The following TNIP2 variants were observed in gnomAD, a reference collection of about 807,000 sequenced individuals.
The protein encoded by TNIP2 is TNFAIP3 interacting protein 2.
TNIP2 carries 30 observed loss-of-function variants against 43.7 expected under a neutral mutation model. That is an observed-to-expected ratio of 0.69 (90% confidence interval 0.51 to 0.93). The LOEUF is 0.93. Ranked by LOEUF, TNIP2 falls within the 40% of genes least tolerant of loss-of-function variation. TNIP2 has a pLI of 0.00. For synonymous variants in TNIP2, 260 were observed against 254.6 expected (o/e 1.02, Z -0.20); for missense variants, 599 against 591.0 (o/e 1.01, Z -0.14).
At position 2,746,777 on chromosome 4, in the gene TNIP2, G is replaced by C. The variant is rs367828707; in HGVS notation, c.567+878C>G. 7.6e-4 allele frequency among the ~76,000 whole-genome samples: 116 copies of C among 152,370 alleles called. 1 individual carries two copies. Among genetic ancestry groups the C allele is most frequent in the African/African-American group, 2.7e-3 (113 of 41,590 alleles). Reference sequence around the variant, plus strand: ...TGAGATGGGGTCTCAGCCTAGGTGAGATGTGCACGGAGTGCCTCCATTCCC... The same window carrying C: ...TGAGATGGGGTCTCAGCCTAGGTGACATGTGCACGGAGTGCCTCCATTCCC... On this transcript the variant is annotated intron_variant, in intron 2 of 5. Coordinates refer to ENST00000315423, the MANE Select transcript of TNIP2 (RefSeq NM_024309.4).
intron 5 of TNIP2, among the ~76,000 whole-genome samples, chr4:2,742,981 A>C (rs1162938671): frequency 2.6e-5 from 4 of 152,134 alleles, no homozygotes; most frequent in Non-Finnish European, 5.9e-5. Context: ...AGTAGCAGCA[A>C]GAGGTGTCCC....
Position 2,742,523 on chromosome 4 carries a change from G to A in TNIP2, c.1027-3C>T, listed in dbSNP as rs745873367. The A allele has an allele frequency of 1.3e-6, 2 of 1,575,950 alleles. No homozygotes were observed. Among genetic ancestry groups the A allele is most frequent in the Non-Finnish European group, 1.7e-6 (2 of 1,156,428 alleles). On this transcript the variant is annotated splice_polypyrimidine_tract_variant and splice_region_variant and intron_variant, in intron 5 of 5. Coordinates refer to ENST00000315423, the MANE Select transcript of TNIP2 (RefSeq NM_024309.4). ...CCGGCGTCTGGCTCTCGAGAATCCT[G>A]GAGAAAAGGCAAGGGTGTATATACG...
At position 2,756,065 on chromosome 4, in the gene TNIP2, C is replaced by G; in HGVS notation, c.225G>C (p.Arg75=). ...DALLEQVARF[R]EQLRRQEGGA... ...CGCCCTCCTGCCTTCGCAGCTGCTC[C>G]CGGAAGCGCGCAACCTGCTCCAGCA... The change falls in exon 1 of 6, where the codon CGG becomes CGC. Residue 75 remains arginine, a synonymous_variant. Coordinates refer to ENST00000315423, the MANE Select transcript of TNIP2 (RefSeq NM_024309.4). 1 of 1,543,798 alleles carries G rather than the reference C, an allele frequency of 6.5e-7. No homozygotes were observed. Among genetic ancestry groups the G allele is most frequent in the Admixed American group, 1.9e-5 (1 of 53,140 alleles).
chr4:2,752,161 A>G (rs1722119478), intron 1 of TNIP2, among the ~76,000 whole-genome samples: 1 of 151,994 alleles, frequency 6.6e-6, no homozygotes, highest in Non-Finnish European at 1.5e-5. Flanking sequence ...GAGAAAAGAA[A>G]AGAAAGAGCC....
chr4:2,744,584 ACCACTGC>A lies in TNIP2; in HGVS notation c.907-85_907-79del, dbSNP rs892230292. ...CCAGGCTTCTCCCACCCCCACAGTGACCACTGCCCACTCAGTGCCACCAAGCCTTCAG... is the reference window on the plus strand; with the variant it reads ...CCAGGCTTCTCCCACCCCCACAGTGACCACTCAGTGCCACCAAGCCTTCAG... On this transcript the variant is annotated intron_variant, in intron 4 of 5. Transcript: ENST00000315423. This position sits in a 1 kb window ranked among gnomAD's most constrained non-coding sequence, Gnocchi z 5.1. The A allele has an allele frequency of 2.5e-5, 39 of 1,591,152 alleles. No individual in the cohort carries two copies. The Admixed American group carries it at 6.5e-4, about 27-fold the overall frequency.
chr4:2,748,736 C>A (rs890683095), intron 1 of TNIP2, among the ~76,000 whole-genome samples: 2 of 136,600 alleles, frequency 1.5e-5, no homozygotes, highest in Non-Finnish European at 3.2e-5. Context: ...TTAGATGATC[C>A]GCCAGCCTTG....
chr4:2,745,261 G>C, intron 3 of TNIP2, 185 bp downstream of exon 3: 1 of 614,054 alleles, frequency 1.6e-6, no homozygotes, highest in Non-Finnish European at 2.9e-6. Context: ...TAGGGGGATG[G>C]AGATGGACAG....
At chr4:2,750,397 GATTATT>G (rs71644358) in intron 1 of TNIP2, among the ~76,000 whole-genome samples, 3,335 of 145,612 alleles carry the variant, frequency 0.023, 71 homozygotes, top group African/African-American at 0.054. Flanking sequence ...CGAGAACCCT[GATTATT>G]ATTATTATTA....
intron 1 of TNIP2, among the ~76,000 whole-genome samples, chr4:2,753,208 G>C (rs1015817357): frequency 1.3e-5 from 2 of 152,146 alleles, no homozygotes; most frequent in Admixed American, 6.5e-5. Context: ...GGAGGCCAAG[G>C]CAGGAGGATC....
intron 2 of TNIP2, 58 bp downstream of exon 2, chr4:2,747,597 A>G: frequency 1.3e-6 from 2 of 1,535,642 alleles, no homozygotes; most frequent in Non-Finnish European, 1.8e-6. Context: ...AGGGGCCTGT[A>G]GGCGATGCTC....
chr4:2,743,256 C>T (rs1443347445), intron 5 of TNIP2, among the ~76,000 whole-genome samples: 1 of 152,106 alleles, frequency 6.6e-6, no homozygotes, highest in Non-Finnish European at 1.5e-5. Flanking sequence ...GAAAGGGAAC[C>T]AGAGGCCACT....
In TNIP2 at chr4:2,756,074, C is replaced by A; in HGVS notation, c.216G>T (p.Ala72=). The part of the protein sequence containing the change: ...SLVDALLEQV[A]RFREQLRRQE... ...GCCTTCGCAGCTGCTCCCGGAAGCG[C>A]GCAACCTGCTCCAGCAGCGCGTCCA... Residue 72 remains alanine (A), a synonymous_variant, in exon 1 of 6, where the codon GCG becomes GCT. Coordinates refer to ENST00000315423, the MANE Select transcript of TNIP2 (RefSeq NM_024309.4). 1.3e-6 allele frequency: 2 copies of A among 1,537,866 alleles called. No homozygotes were observed. The highest frequency in any genetic ancestry group is 2.8e-5 in the African/African-American group (2 of 70,336).
intron 1 of TNIP2, 116 bp from the exon 2 acceptor site, chr4:2,748,061 T>C (rs1722001536): frequency 9.1e-7 from 1 of 1,098,536 alleles, no homozygotes; most frequent in South Asian, 1.5e-5. Flanking sequence ...GACACAAACA[T>C]ACTCACTCAG....
rs188517599 is a variant in TNIP2 at position 2,751,193 on chromosome 4, T to C, written c.277-3248A>G. ...TATCTGTCTGAGTGCCTTGTCCAGT[T>C]AGTAACAGTTCTTAGGACACAACAG... is the stretch of plus-strand genomic sequence containing the variant. On this transcript the variant is annotated intron_variant, in intron 1 of 5. Transcript: ENST00000315423. Among the ~76,000 whole-genome samples the C allele has an allele frequency of 1.7e-4, 26 of 152,302 alleles. 1 individual carries two copies. Among genetic ancestry groups the C allele is most frequent in the Admixed American group, 1.7e-3 (26 of 15,306 alleles).
chr4:2,745,748 G>A (rs2341303), intron 2 of TNIP2, among the ~76,000 whole-genome samples: 82,905 of 152,186 alleles, frequency 0.54, 23,211 homozygotes, highest in Admixed American at 0.65. Context: ...GCCCGGATGG[G>A]AGGTCTTCAG....
chr4:2,756,256 C>T lies in TNIP2; in HGVS notation c.34G>A (p.Glu12Lys). 7.0e-7 allele frequency: 1 copy of T among 1,435,904 alleles called. No homozygotes were observed. Among genetic ancestry groups the T allele is most frequent in the Non-Finnish European group, 9.1e-7 (1 of 1,099,012 alleles). 88.9% of individuals were successfully genotyped at this position (1,435,904 alleles called of 1,614,324 possible). The change falls in exon 1 of 6, where the codon GAG becomes AAG. Residue 12 changes from glutamate to lysine, a missense_variant. Physicochemically the swap from Glu to Lys is moderately conservative, Grantham distance 56. Transcript: ENST00000315423. ...AGCGCGGCAGCTGCGCGCGGGGCCT[C>T]CTCCCAGCCGCCCGACCCCGGGTCC... The part of the protein sequence containing the change: ...SRDPGSGGWE[E>K]APRAAAALCT...
At chr4:2,743,587 G>A (rs1009195233) in intron 5 of TNIP2, among the ~76,000 whole-genome samples, 1 of 152,170 alleles carries the variant, frequency 6.6e-6, no homozygotes, top group African/African-American at 2.4e-5. Context: ...ACAGGGCAGT[G>A]GGGGGTGGCC....
At chr4:2,753,846 G>C (rs1468919671) in intron 1 of TNIP2, among the ~76,000 whole-genome samples, 1 of 152,208 alleles carries the variant, frequency 6.6e-6, no homozygotes. Context: ...TCCAGAAAGA[G>C]GGAGAGAGTG....
intron 2 of TNIP2, 39 bp downstream of exon 2, chr4:2,747,616 C>G: frequency 2.6e-6 from 4 of 1,566,552 alleles, no homozygotes; most frequent in Non-Finnish European, 3.5e-6. Context: ...TCCCAGCACA[C>G]AGAGGTCTTC....
Sources: gnomAD v4.1 joint callset for allele counts (sites outside exome capture counted in the v4.1 genomes callset) on GRCh38, gnomAD v4.1.1 for gene constraint, Gnocchi (gnomAD v3.1) non-coding constraint, MANE v1.5 for transcripts, NCBI Gene and HGNC (gene_info 2026-07-23, HGNC 2026-07-21) for gene names.